The following ANKS4B variants were observed in gnomAD, a reference collection of about 807,000 sequenced individuals.
ANKS4B encodes ankyrin repeat and sterile alpha motif domain containing 4B.
A neutral mutation model predicts 20.2 loss-of-function variants in ANKS4B; 21 were observed. The ratio of observed to expected loss-of-function variants is 1.04; its 90% CI spans 0.74 to 1.50. The LOEUF is 1.50. Among genes scored for constraint, ANKS4B ranks in the 40% most tolerant of loss-of-function variants. ANKS4B has a pLI of 0.00. For synonymous variants in ANKS4B, 179 were observed against 194.5 expected (o/e 0.92, Z 0.66); for missense variants, 473 against 494.6 (o/e 0.96, Z 0.41).
intron 1 of ANKS4B, 78 bp downstream of exon 1, chr16:21,233,979 G>A (rs1252903265): frequency 3.8e-5 from 51 of 1,345,720 alleles, no homozygotes; most frequent in Admixed American, 8.2e-5. Context: ...AGGCAGGGAC[G>A]TCAATACAAA....
Position 21,234,522 on chromosome 16 carries a change from C to CACACACACG in ANKS4B, c.164+621_164+622insACACACACG, listed in dbSNP as rs1380262253. ...CACACACACACACACACACACACAC[C>CACACACACG]CCATCTCTTTGCCCAGATTTTAATG... On this transcript the variant is annotated intron_variant, in intron 1 of 1. Transcript: ENST00000311620. Among the ~76,000 whole-genome samples the CACACACACG allele has an allele frequency of 6.2e-4, 75 of 121,360 alleles. 1 individual carries two copies. The East Asian group carries it at 8.3e-3, about 13-fold the overall frequency. The allele number at this position is 121,360 out of a possible 152,430, so 79.6% of individuals were successfully genotyped here.
chr16:21,247,188 C>G (rs1293144951), intron 1 of ANKS4B, among the ~76,000 whole-genome samples: 3 of 152,106 alleles, frequency 2.0e-5, no homozygotes, highest in Admixed American at 2.0e-4. Flanking sequence ...CCTCAGCCTC[C>G]TGAGAAACTG....
Position 21,250,344 on chromosome 16 carries a change from G to A in ANKS4B, c.778G>A (p.Val260Met). 6.2e-7 allele frequency: 1 copy of A among 1,614,218 alleles called. No individual in the cohort carries two copies. Among genetic ancestry groups the A allele is most frequent in the Non-Finnish European group, 8.5e-7 (1 of 1,180,046 alleles). ...LQLSAEEDGSVHHESILNRPG... is the reference protein window; with the variant it reads ...LQLSAEEDGSMHHESILNRPG... Reference sequence around the variant, plus strand: ...GTTGTCAGCAGAGGAGGACGGCAGTGTGCACCATGAATCCATTCTCAATCG... The same window carrying A: ...GTTGTCAGCAGAGGAGGACGGCAGTATGCACCATGAATCCATTCTCAATCG... The change falls in exon 2 of 2, where the codon GTG (valine) becomes ATG (methionine). Residue 260 changes from valine to methionine, a missense_variant. Coordinates refer to ENST00000311620, the MANE Select transcript of ANKS4B (RefSeq NM_145865.3).
chr16:21,248,210 G>C (rs2093334684), intron 1 of ANKS4B, among the ~76,000 whole-genome samples: 1 of 151,722 alleles, frequency 6.6e-6, no homozygotes, highest in Non-Finnish European at 1.5e-5. Context: ...AAATTTAATG[G>C]AGGCAGGTCT....
At chr16:21,237,510 C>T (rs2093321633) in intron 1 of ANKS4B, among the ~76,000 whole-genome samples, 1 of 151,780 alleles carries the variant, frequency 6.6e-6, no homozygotes, top group African/African-American at 2.4e-5. Flanking sequence ...TGTCTGATGA[C>T]AGCCCTGTCT....
intron 1 of ANKS4B, among the ~76,000 whole-genome samples, chr16:21,247,181 CAGCCTCCTG>C (rs1356198199): frequency 6.6e-6 from 1 of 152,010 alleles, no homozygotes; most frequent in African/African-American, 2.4e-5. Context: ...TTCTCTGCCT[CAGCCTCCTG>C]AGAAACTGGG....
rs1423260782 is a variant in ANKS4B at position 21,252,617 on chromosome 16, T to C, written c.*1797T>C. ...TAAGGGGAAAAAAAACTAAGTTCTT[T>C]GGAGGGAAGATTTGATTGTCAAAGG... On this transcript the variant is annotated 3_prime_UTR_variant, in exon 2 of 2. Transcript: ENST00000311620. 1 of 152,204 alleles carries C rather than the reference T, an allele frequency of 6.6e-6. No homozygotes were observed. Among genetic ancestry groups the C allele is most frequent in the Non-Finnish European group, 1.5e-5 (1 of 68,034 alleles). The allele number at this position is 152,204 out of a possible 1,614,324, so 9.4% of individuals were successfully genotyped here.
Position 21,251,808 on chromosome 16 carries a change from A to G in ANKS4B, c.*988A>G, listed in dbSNP as rs571410579. The G allele has an allele frequency of 1.3e-5, 2 of 152,322 alleles. No individual in the cohort carries two copies. The highest frequency in any genetic ancestry group is 1.9e-4 in the East Asian group (1 of 5,180). 9.4% of individuals were successfully genotyped at this position (152,322 alleles called of 1,614,324 possible). A position where few individuals can be genotyped will look rare whatever the true frequency, so the allele number is the denominator to read the frequency against. ...GTGGACTGAATTGCGTCAAATTCAT[A>G]TGTTGGAGCTCTAACCCCTAATGTG... On this transcript the variant is annotated 3_prime_UTR_variant, in exon 2 of 2. Transcript: ENST00000311620.
intron 1 of ANKS4B, among the ~76,000 whole-genome samples, chr16:21,242,948 TTCCCCATAC>T (rs1487093674): frequency 6.6e-6 from 1 of 152,334 alleles, no homozygotes; most frequent in East Asian, 1.9e-4. Flanking sequence ...CAGTATTTCT[TTCCCCATAC>T]TCCTGCCAAA....
intron 1 of ANKS4B, among the ~76,000 whole-genome samples, chr16:21,249,309 C>G (rs2152860005): frequency 6.6e-6 from 1 of 152,280 alleles, no homozygotes; most frequent in East Asian, 1.9e-4. Flanking sequence ...CATGGTGAAA[C>G]CCTGTCTCTA....
intron 1 of ANKS4B, 62 bp downstream of exon 1, chr16:21,233,963 A>G (rs1337336430): frequency 6.8e-7 from 1 of 1,465,156 alleles, no homozygotes; most frequent in Non-Finnish European, 9.4e-7. Context: ...TGCAGACAGC[A>G]GCAAGAGGCA....
chr16:21,249,703 G>C lies in ANKS4B; in HGVS notation c.165-28G>C, dbSNP rs373793273. ...CGTTCAGAGAAAAAAAGTCCAACAT[G>C]TATTTTTTTTCTCTCTCTCTCTTCT... On this transcript the variant is annotated intron_variant, in intron 1 of 1. Transcript: ENST00000311620. 1.4e-5 allele frequency: 21 copies of C among 1,552,834 alleles called. No individual in the cohort carries two copies. The South Asian group carries it at 1.8e-4, about 13-fold the overall frequency.
rs776636185 is a variant in ANKS4B at position 21,250,754 on chromosome 16, G to A, written c.1188G>A (p.Leu396=). Residue 396 remains leucine (L), a synonymous_variant, in exon 2 of 2, where the codon CTG becomes CTA. Transcript: ENST00000311620. ...QMQLGPRKKV[L]NAINRRKQVL... ...AGCTGGGTCCCAGGAAGAAAGTTCT[G>A]AATGCTATCAACAGGAGGAAGCAGG... is the stretch of plus-strand genomic sequence containing the variant. The A allele has an allele frequency of 6.2e-7, 1 of 1,609,248 alleles. No individual in the cohort carries two copies. Among genetic ancestry groups the A allele is most frequent in the Non-Finnish European group, 8.5e-7 (1 of 1,175,986 alleles).
chr16:21,235,871 C>G (rs2093319705), intron 1 of ANKS4B, among the ~76,000 whole-genome samples: 1 of 152,128 alleles, frequency 6.6e-6, no homozygotes, highest in Admixed American at 6.6e-5. Flanking sequence ...CACATCGATC[C>G]CCATCAGCCA....
rs986060570 is a variant in ANKS4B, at chr16:21,251,813, G to A, written c.*993G>A. ...CTGAATTGCGTCAAATTCATATGTT[G>A]GAGCTCTAACCCCTAATGTGACTGT... On this transcript the variant is annotated 3_prime_UTR_variant, in exon 2 of 2. Coordinates refer to ENST00000311620, the MANE Select transcript of ANKS4B (RefSeq NM_145865.3). 6 of 152,094 alleles carry A rather than the reference G, an allele frequency of 3.9e-5. No individual in the cohort carries two copies. The highest frequency in any genetic ancestry group is 3.9e-4 in the Admixed American group (6 of 15,268). 9.4% of individuals were successfully genotyped at this position (152,094 alleles called of 1,614,324 possible). A position where few individuals can be genotyped will look rare whatever the true frequency, so the allele number is the denominator to read the frequency against.
intron 1 of ANKS4B, among the ~76,000 whole-genome samples, chr16:21,248,547 C>T (rs1042625071): frequency 1.3e-5 from 2 of 151,628 alleles, no homozygotes; most frequent in South Asian, 2.1e-4. Context: ...CTGACCAACA[C>T]GGTGAAACTC....
chr16:21,252,241 G>C lies in ANKS4B; in HGVS notation c.*1421G>C, dbSNP rs944296952. The stretch of plus-strand genomic sequence containing the variant: ...AGCCACTGCACCTGGCCTAGGACTG[G>C]TGTCCTAAGAAGAGGAAGAGACACT... On this transcript the variant is annotated 3_prime_UTR_variant, in exon 2 of 2. Coordinates refer to ENST00000311620, the MANE Select transcript of ANKS4B (RefSeq NM_145865.3). The C allele has an allele frequency of 6.6e-6, 1 of 152,492 alleles. No individual in the cohort carries two copies. The highest frequency in any genetic ancestry group is 2.4e-5 in the African/African-American group (1 of 41,444). The allele number at this position is 152,492 out of a possible 1,614,324, so 9.4% of individuals were successfully genotyped here. A position where few individuals can be genotyped will look rare whatever the true frequency, so the allele number is the denominator to read the frequency against.
chr16:21,234,818 G>A (rs2093318290), intron 1 of ANKS4B, among the ~76,000 whole-genome samples: 1 of 152,050 alleles, frequency 6.6e-6, no homozygotes, highest in Admixed American at 6.6e-5. Context: ...GAGAGGGGAA[G>A]ACAAGACATC....
intron 1 of ANKS4B, among the ~76,000 whole-genome samples, chr16:21,240,614 T>C (rs1440787813): frequency 1.3e-5 from 2 of 152,192 alleles, no homozygotes; most frequent in East Asian, 1.9e-4. Flanking sequence ...TTTGGGTACA[T>C]ATCCTTCCAG....
Sources: gnomAD v4.1 joint callset for allele counts (sites outside exome capture counted in the v4.1 genomes callset) on GRCh38, gnomAD v4.1.1 for gene constraint, MANE v1.5 for transcripts, NCBI Gene and HGNC (gene_info 2026-07-23, HGNC 2026-07-21) for gene names.